Variants in GABRB3 observed in about 807,000 individuals in gnomAD.
The protein encoded by GABRB3 is gamma-aminobutyric acid receptor subunit beta-3.
In GABRB3, 14 loss-of-function variants were observed where a neutral mutation model predicts 52.1. That is an observed-to-expected ratio of 0.27 (90% confidence interval 0.18 to 0.42). GABRB3 has a LOEUF of 0.42. GABRB3 is among the 10% of genes least tolerant of loss of function. The probability of loss-of-function intolerance (pLI) is 1.00; values close to 1 mark genes in which losing one functional copy is unlikely to be tolerated. For synonymous variants in GABRB3, 260 were observed against 232.3 expected, an observed-to-expected ratio of 1.12 and a Z score of -1.08; for missense variants, 307 against 609.1, an observed-to-expected ratio of 0.50 and a Z score of 5.22.
chr15:26,667,734 A>C (rs1008011232), intron 3 of GABRB3, among the ~76,000 whole-genome samples: 1 of 152,158 alleles, frequency 6.6e-6, no homozygotes, highest in Non-Finnish European at 1.5e-5. Context: ...CTTGTTAGAA[A>C]TGCACATTCT....
At position 26,741,127 on chromosome 15, in the gene GABRB3, T is replaced by C. The variant is rs117392796; in HGVS notation, c.240+31275A>G. ...AGCACATAGCAAAAAAATTCCTATA[T>C]GGACTTTATCTGGTGTTACTTCCTT... On this transcript the variant is annotated intron_variant, in intron 3 of 8. Coordinates refer to ENST00000311550, the MANE Select transcript of GABRB3 (RefSeq NM_000814.6). Among the ~76,000 whole-genome samples the C allele has an allele frequency of 2.1e-3, 315 of 152,132 alleles. 1 individual carries two copies. Among genetic ancestry groups the C allele is most frequent in the Middle Eastern group, 0.01 (3 of 294 alleles).
intron 4 of GABRB3, among the ~76,000 whole-genome samples, chr15:26,589,246 C>G (rs190251187): frequency 3.9e-5 from 6 of 152,354 alleles, no homozygotes; most frequent in Admixed American, 3.3e-4. Context: ...ACAAACTTCT[C>G]TTCATAAGGA....
intron 4 of GABRB3, among the ~76,000 whole-genome samples, chr15:26,602,361 A>C (rs911249741): frequency 4.6e-5 from 7 of 152,182 alleles, no homozygotes; most frequent in Non-Finnish European, 8.8e-5. Context: ...CCCCGATAGA[A>C]GATCAACAAA....
At chr15:26,754,951 G>T (rs1346437232) in intron 3 of GABRB3, among the ~76,000 whole-genome samples, 1 of 151,820 alleles carries the variant, frequency 6.6e-6, no homozygotes, top group Non-Finnish European at 1.5e-5. Context: ...TAAATCCCTT[G>T]GTAGAATCTG....
intron 4 of GABRB3, among the ~76,000 whole-genome samples, chr15:26,610,639 A>C (rs1466606839): frequency 6.6e-6 from 1 of 152,094 alleles, no homozygotes; most frequent in African/African-American, 2.4e-5. Flanking sequence ...TTATGTGATG[A>C]TCTTCTGTAG....
At chr15:26,690,053 C>A (rs1888536628) in intron 3 of GABRB3, among the ~76,000 whole-genome samples, 1 of 151,676 alleles carries the variant, frequency 6.6e-6, no homozygotes, top group African/African-American at 2.4e-5. Context: ...TGGCCATACC[C>A]CACTAGATAC....
chr15:26,571,209 C>G lies in GABRB3; in HGVS notation c.683-3476G>C, dbSNP rs539465909. On this transcript the variant is annotated intron_variant, in intron 6 of 8. Transcript: ENST00000311550. ...TGCTTCAGGTAAATCTTACTATAAT[C>G]CACCATACATGGAACAGTCTGCATC... 5.0e-4 allele frequency among the ~76,000 whole-genome samples: 26 copies of G among 52,368 alleles called. 2 individuals carry two copies. The South Asian group carries it at 0.032, about 64-fold the overall frequency. The allele number at this position is 52,368 out of a possible 152,430, so 34.4% of individuals were successfully genotyped here. A position where few individuals can be genotyped will look rare whatever the true frequency, so the allele number is the denominator to read the frequency against.
intron 6 of GABRB3, among the ~76,000 whole-genome samples, chr15:26,576,395 T>G (rs1890592424): frequency 6.6e-6 from 1 of 152,212 alleles, no homozygotes. Context: ...TTTCTTCTTT[T>G]TTACGCTCAT....
At chr15:26,595,983 A>G (rs1057164960) in intron 4 of GABRB3, among the ~76,000 whole-genome samples, 10 of 152,122 alleles carry the variant, frequency 6.6e-5, no homozygotes, top group Admixed American at 1.3e-4. Flanking sequence ...TTCTCATTAA[A>G]TGTGTCTTTC....
At chr15:26,733,267 TAC>T (rs34533064) in intron 3 of GABRB3, among the ~76,000 whole-genome samples, 1 of 151,938 alleles carries the variant, frequency 6.6e-6, no homozygotes, top group Admixed American at 6.6e-5. Flanking sequence ...TACACACACA[TAC>T]ACACACACAA....
chr15:26,658,970 C>T (rs117657177), intron 3 of GABRB3, among the ~76,000 whole-genome samples: 51 of 152,310 alleles, frequency 3.3e-4, no homozygotes, highest in Non-Finnish European at 6.8e-4. Flanking sequence ...TTCCTACAAG[C>T]AATTCCATTT....
chr15:26,554,187 T>TAA (rs1460584675), intron 8 of GABRB3, among the ~76,000 whole-genome samples: 1 of 30,290 alleles, frequency 3.3e-5, no homozygotes, highest in Non-Finnish European at 6.0e-5. Context: ...TATATATATA[T>TAA]ATACTATATA....
intron 7 of GABRB3, 119 bp downstream of exon 7, chr15:26,567,462 A>C: frequency 2.2e-6 from 2 of 892,446 alleles, no homozygotes; most frequent in Non-Finnish European, 3.6e-6. Context: ...GTGACTATAC[A>C]GGCAATGCTT....
intron 3 of GABRB3, among the ~76,000 whole-genome samples, chr15:26,712,555 C>T (rs914164717): frequency 6.6e-6 from 1 of 151,914 alleles, no homozygotes; most frequent in Non-Finnish European, 1.5e-5. Context: ...GTGGGGAAGC[C>T]GAGAGCCCGT....
intron 3 of GABRB3, among the ~76,000 whole-genome samples, chr15:26,662,754 A>G (rs1887590272): frequency 6.6e-6 from 1 of 152,194 alleles, no homozygotes; most frequent in South Asian, 2.1e-4. Flanking sequence ...AAATCAGATC[A>G]AGAAAGGAAG....
chr15:26,689,403 C>T (rs1328836493), intron 3 of GABRB3, among the ~76,000 whole-genome samples: 2 of 152,134 alleles, frequency 1.3e-5, no homozygotes, highest in Non-Finnish European at 2.9e-5. Context: ...CCACCACAGG[C>T]TGGAAACAGA....
chr15:26,728,427 C>T (rs994817451), intron 3 of GABRB3, among the ~76,000 whole-genome samples: 4 of 152,122 alleles, frequency 2.6e-5, no homozygotes, highest in African/African-American at 7.2e-5. Flanking sequence ...AAATAAACAC[C>T]GCGTGCTGGA....
intron 3 of GABRB3, among the ~76,000 whole-genome samples, chr15:26,742,482 G>T (rs78702187): frequency 6.6e-6 from 1 of 151,832 alleles, no homozygotes; most frequent in South Asian, 2.1e-4. Context: ...TTTAAAATGC[G>T]CAAGCTTTTG....
At chr15:26,557,362 C>T (rs988233653) in intron 8 of GABRB3, among the ~76,000 whole-genome samples, 4 of 152,142 alleles carry the variant, frequency 2.6e-5, no homozygotes, top group Non-Finnish European at 5.9e-5. Flanking sequence ...AATCGGTACA[C>T]CAAACCCTTG....
Sources: allele counts gnomAD v4.1 joint callset (sites outside exome capture counted in the v4.1 genomes callset), GRCh38; gene constraint gnomAD v4.1.1; transcripts MANE v1.5; gene names NCBI Gene and HGNC (gene_info 2026-07-23, HGNC 2026-07-21).